The following SUGCT variants were observed in gnomAD, a reference collection of about 807,000 sequenced individuals.
SUGCT encodes the protein succinyl-CoA:glutarate-CoA transferase.
SUGCT carries 41 observed loss-of-function variants against 55.0 expected under a neutral mutation model. The observed-to-expected ratio is 0.74, with a 90% confidence interval of 0.58 to 0.97. The LOEUF (loss-of-function observed/expected upper bound fraction) is 0.97, where lower values mean the gene tolerates loss of function less well. Ranked by LOEUF, SUGCT falls within the 50% of genes least tolerant of loss-of-function variation. SUGCT has a pLI of 0.00. For synonymous variants in SUGCT, 187 were observed against 200.4 expected, an observed-to-expected ratio of 0.93 and a Z score of 0.56; for missense variants, 568 against 547.8, an observed-to-expected ratio of 1.04 and a Z score of -0.37.
Position 40,274,788 on chromosome 7 carries a change from C to G in SUGCT, c.720+132C>G, listed in dbSNP as rs560260641. 3.8e-5 allele frequency: 32 copies of G among 850,196 alleles called. No homozygotes were observed. The African/African-American group carries it at 5.0e-4, about 13-fold the overall frequency. The allele number at this position is 850,196 out of a possible 1,614,324, so 52.7% of individuals were successfully genotyped here. A position where few individuals can be genotyped will look rare whatever the true frequency, so the allele number is the denominator to read the frequency against. On this transcript the variant is annotated intron_variant, in intron 8 of 13. Transcript: ENST00000335693. ...AACACAACAACACTGAAAACTGTTTCATTTTGATGTACTTGTTTCTTTTCT... is the reference window on the plus strand; with the variant it reads ...AACACAACAACACTGAAAACTGTTTGATTTTGATGTACTTGTTTCTTTTCT...
At chr7:40,841,380 T>G (rs1584519283) in intron 13 of SUGCT, among the ~76,000 whole-genome samples, 1 of 152,188 alleles carries the variant, frequency 6.6e-6, no homozygotes, top group Non-Finnish European at 1.5e-5. Context: ...ATTTTGAATA[T>G]ATGATCATCT....
intron 13 of SUGCT, among the ~76,000 whole-genome samples, chr7:40,853,237 AATATG>A (rs765582916): frequency 6.6e-6 from 1 of 152,236 alleles, no homozygotes; most frequent in Non-Finnish European, 1.5e-5. Context: ...TACATTAATT[AATATG>A]ATATGTATTA....
chr7:40,281,262 A>T (rs1041742027), intron 8 of SUGCT, among the ~76,000 whole-genome samples: 3 of 152,218 alleles, frequency 2.0e-5, no homozygotes, highest in African/African-American at 7.2e-5. Flanking sequence ...ATCTGTGAGG[A>T]AAGCAGTTGT....
chr7:40,597,648 C>T (rs934836373), intron 12 of SUGCT, among the ~76,000 whole-genome samples: 2 of 152,138 alleles, frequency 1.3e-5, no homozygotes, highest in Non-Finnish European at 2.9e-5. Flanking sequence ...CATTCTGTAT[C>T]CTGCCTGAGA....
chr7:40,731,347 A>C (rs1481220332), intron 12 of SUGCT, among the ~76,000 whole-genome samples: 1 of 152,230 alleles, frequency 6.6e-6, no homozygotes, highest in Non-Finnish European at 1.5e-5. Flanking sequence ...CAGAACCAAA[A>C]TTGGTAGGTG....
the SUGCT span, among the ~76,000 whole-genome samples, chr7:40,899,049 C>G: frequency 1.3e-5 from 2 of 152,072 alleles, no homozygotes; most frequent in Non-Finnish European, 2.9e-5. Flanking sequence ...CAACTGTGGC[C>G]TCCAAGCCAC....
intron 12 of SUGCT, among the ~76,000 whole-genome samples, chr7:40,657,051 T>A (rs531633966): frequency 6.6e-6 from 1 of 152,224 alleles, no homozygotes. Context: ...TTTTTGTGAC[T>A]CCACCTGCTG....
chr7:40,180,859 T>C, intron 1 of SUGCT, 88 bp from the exon 2 acceptor site: 1 of 988,246 alleles, frequency 1.0e-6, no homozygotes, highest in East Asian at 2.4e-5. Flanking sequence ...GTAGTCCTTG[T>C]GATCTGTCTC....
chr7:40,544,421 C>G (rs1794877764), intron 12 of SUGCT, among the ~76,000 whole-genome samples: 1 of 152,170 alleles, frequency 6.6e-6, no homozygotes, highest in African/African-American at 2.4e-5. Context: ...AAGGAAGAAT[C>G]TTCTTTGCAG....
chr7:40,655,937 T>A (rs1801000948), intron 12 of SUGCT, among the ~76,000 whole-genome samples: 1 of 152,140 alleles, frequency 6.6e-6, no homozygotes, highest in African/African-American at 2.4e-5. Flanking sequence ...GCCAAAAACA[T>A]ATTGCCTTTG....
intron 9 of SUGCT, among the ~76,000 whole-genome samples, chr7:40,365,850 A>G (rs1783922527): frequency 6.6e-6 from 1 of 152,246 alleles, no homozygotes; most frequent in South Asian, 2.1e-4. Flanking sequence ...AATGTAATTT[A>G]TAGATTCAAT....
In SUGCT at chr7:40,258,113, C is replaced by G. The variant is rs559641878; in HGVS notation, c.577-16400C>G. Among the ~76,000 whole-genome samples, 4 of 152,292 alleles carry G rather than the reference C, an allele frequency of 2.6e-5. No individual in the cohort carries two copies. In the South Asian group the frequency reaches 8.3e-4, roughly 32 times the overall value. ...CACTTCTAAAATCTATGCACATACT[C>G]TCTTTCCCACCATCATAGGTAACAA... is the stretch of plus-strand genomic sequence containing the variant. On this transcript the variant is annotated intron_variant, in intron 7 of 13. Transcript: ENST00000335693.
At chr7:40,913,246 A>T in the SUGCT span, among the ~76,000 whole-genome samples, 2 of 152,098 alleles carry the variant, frequency 1.3e-5, no homozygotes, top group Admixed American at 6.6e-5. Flanking sequence ...TTTGATGGAC[A>T]CACCATAAGC....
At chr7:40,527,890 A>G (rs1387997010) in intron 12 of SUGCT, among the ~76,000 whole-genome samples, 1 of 152,198 alleles carries the variant, frequency 6.6e-6, no homozygotes, top group African/African-American at 2.4e-5. Context: ...TTTTGTCCTT[A>G]CAAAGATAGC....
At chr7:40,929,945 T>G in the SUGCT span, among the ~76,000 whole-genome samples, 1 of 152,208 alleles carries the variant, frequency 6.6e-6, no homozygotes, top group Non-Finnish European at 1.5e-5. Flanking sequence ...TTTGTCAATT[T>G]TGGCTTTTGT....
the SUGCT span, among the ~76,000 whole-genome samples, chr7:41,024,888 G>A: frequency 1.9e-4 from 29 of 152,118 alleles, no homozygotes; most frequent in Non-Finnish European, 3.7e-4. Context: ...CACATTGTTC[G>A]TTAAAAAATA....
At chr7:40,489,630 A>G (rs1289345159) in intron 11 of SUGCT, among the ~76,000 whole-genome samples, 1 of 152,154 alleles carries the variant, frequency 6.6e-6, no homozygotes, top group East Asian at 1.9e-4. Context: ...GCAGTGAGCC[A>G]AGATCACACC....
intron 9 of SUGCT, among the ~76,000 whole-genome samples, chr7:40,446,582 C>A (rs1157485055): frequency 2.0e-5 from 3 of 152,102 alleles, no homozygotes; most frequent in Non-Finnish European, 2.9e-5. Flanking sequence ...CATTCCTTAC[C>A]AAATCAAGCA....
chr7:40,767,752 G>C (rs982252447), intron 13 of SUGCT, among the ~76,000 whole-genome samples: 1 of 152,224 alleles, frequency 6.6e-6, no homozygotes, highest in African/African-American at 2.4e-5. Flanking sequence ...AGGTAAGACA[G>C]AGGCTTCAGG....
Sources: allele counts gnomAD v4.1 joint callset (sites outside exome capture counted in the v4.1 genomes callset), GRCh38; gene constraint gnomAD v4.1.1; transcripts MANE v1.5; gene names NCBI Gene and HGNC (gene_info 2026-07-23, HGNC 2026-07-21).